The following CA5B variants were observed in gnomAD, a reference collection of about 807,000 sequenced individuals.
CA5B encodes the protein carbonic anhydrase 5B.
In CA5B, 15 loss-of-function variants were observed where a neutral mutation model predicts 23.1. The ratio of observed to expected loss-of-function variants is 0.65; its 90% confidence interval spans 0.43 to 1.00. The LOEUF is 1.00. Ranked by LOEUF, CA5B falls within the 50% of genes least tolerant of loss-of-function variation. The probability of loss-of-function intolerance (pLI) is 0.00; values close to 1 mark genes in which losing one functional copy is unlikely to be tolerated. For missense variants in CA5B, 236 were observed against 252.2 expected, an observed-to-expected ratio of 0.94 and a Z score of 0.43; for synonymous variants, 84 against 98.5, an observed-to-expected ratio of 0.85 and a Z score of 0.87.
chrX:15,747,843 G>A (rs761249793), intron 1 of CA5B, among the ~76,000 whole-genome samples: 1 of 111,337 alleles, frequency 9.0e-6, no homozygotes, highest in Non-Finnish European at 1.9e-5. Context: ...GAAGATTAAC[G>A]ACAGGGACAC....
At chrX:15,761,994 G>T (rs765838354) in intron 2 of CA5B, among the ~76,000 whole-genome samples, 1 of 112,064 alleles carries the variant, frequency 8.9e-6, no homozygotes, top group Admixed American at 9.5e-5. Flanking sequence ...ACGGTCAGGC[G>T]CAGTGGTTTG....
chrX:15,764,139 A>G (rs1931657347), intron 2 of CA5B, among the ~76,000 whole-genome samples: 1 of 111,661 alleles, frequency 9.0e-6, no homozygotes, highest in African/African-American at 3.3e-5. Context: ...GTATCCTTTA[A>G]TCCAGTCAAG....
chrX:15,741,203 G>T (rs1931113255), intron 1 of CA5B, among the ~76,000 whole-genome samples: 1 of 106,608 alleles, frequency 9.4e-6, no homozygotes, highest in Admixed American at 9.9e-5. Context: ...GAGTAGCTGG[G>T]CTTATAGGCT....
Position 15,782,851 on chromosome X carries a change from T to TTACAGA in CA5B, c.*191_*196dup, listed in dbSNP as rs1308716885. On this transcript the variant is annotated 3_prime_UTR_variant, in exon 8 of 8. Transcript: ENST00000318636. ...TACCAGCAAGAGACACAAGTTTCTC[T>TTACAGA]TACAGATACCTGTTGGTAATTGTAA... 8 of 362,879 alleles carry TTACAGA rather than the reference T, an allele frequency of 2.2e-5. No homozygotes were observed. The highest frequency in any genetic ancestry group is 3.8e-5 in the Non-Finnish European group (8 of 210,933). 29.9% of individuals were successfully genotyped at this position (362,879 alleles called of 1,213,427 possible).
intron 2 of CA5B, among the ~76,000 whole-genome samples, chrX:15,762,192 C>T (rs576806108): frequency 1.8e-5 from 2 of 108,763 alleles, no homozygotes; most frequent in South Asian, 4.2e-4. Context: ...ATTGCTTGAA[C>T]CCAGGAGGCG....
chrX:15,744,958 C>A (rs1931194545), intron 1 of CA5B, among the ~76,000 whole-genome samples: 1 of 110,080 alleles, frequency 9.1e-6, no homozygotes, highest in African/African-American at 3.3e-5. Context: ...CACCTGAGGT[C>A]AGGAGTTCGA....
chrX:15,775,436 C>T (rs1931903800), intron 6 of CA5B, 128 bp downstream of exon 6: 3 of 1,018,973 alleles, frequency 2.9e-6, no homozygotes, highest in Non-Finnish European at 3.7e-6. Context: ...TAGAAGAAAA[C>T]TTGCCATTTA....
intron 2 of CA5B, among the ~76,000 whole-genome samples, chrX:15,751,483 C>T (rs187029108): frequency 9.0e-6 from 1 of 110,647 alleles, no homozygotes; most frequent in Admixed American, 9.6e-5. Context: ...CTGGCTTATT[C>T]TGAACACTGG....
chrX:15,740,546 A>G (rs774864896), intron 1 of CA5B, among the ~76,000 whole-genome samples: 10 of 112,404 alleles, frequency 8.9e-5, no homozygotes, highest in Non-Finnish European at 1.9e-4. Flanking sequence ...GGATCTTCCA[A>G]GCTCTGCGCC....
chrX:15,740,599 A>G (rs143347458), intron 1 of CA5B, among the ~76,000 whole-genome samples: 5 of 111,997 alleles, frequency 4.5e-5, no homozygotes, highest in Admixed American at 3.8e-4. Context: ...AGCATCCTTC[A>G]TGGCTCCTTT....
rs763902621 is a variant in CA5B, at chrX:15,782,632, C to T, written c.922C>T (p.Pro308Ser). ...TTATGTGCTGAATGTACAAGCGAAA[C>T]CCAAGCCGGCCACCAGCCAAGCAAC... is the stretch of plus-strand genomic sequence containing the variant. ...HDYVLNVQAK[P>S]KPATSQATP The change falls in exon 8 of 8, where the codon CCC (proline) becomes TCC (serine). Residue 308 changes from proline (P) to serine (S), a missense_variant. Transcript: ENST00000318636. 5.9e-6 allele frequency: 7 copies of T among 1,195,566 alleles called. No homozygotes were observed. The highest frequency in any genetic ancestry group is 7.9e-6 in the Non-Finnish European group (7 of 888,716).
intron 7 of CA5B, among the ~76,000 whole-genome samples, chrX:15,778,874 C>A (rs771740695): frequency 9.0e-6 from 1 of 110,689 alleles, no homozygotes; most frequent in East Asian, 2.8e-4. Flanking sequence ...TCCCCTGACA[C>A]AGGGGGATTA....
intron 2 of CA5B, among the ~76,000 whole-genome samples, chrX:15,752,357 C>G (rs1319713114): frequency 9.0e-6 from 1 of 111,692 alleles, no homozygotes; most frequent in South Asian, 3.7e-4. Flanking sequence ...ATATTTTACC[C>G]CAAAACATGT....
At chrX:15,751,883 A>T (rs1448748789) in intron 2 of CA5B, among the ~76,000 whole-genome samples, 1 of 111,743 alleles carries the variant, frequency 8.9e-6, no homozygotes, top group African/African-American at 3.3e-5. Context: ...GACAATTCTC[A>T]TTGTTTCTGA....
chrX:15,771,057 C>T (rs747170937), intron 3 of CA5B, among the ~76,000 whole-genome samples: 3 of 107,159 alleles, frequency 2.8e-5, no homozygotes, highest in East Asian at 3.1e-4. Context: ...CATGAGCCAC[C>T]GTGCCCGGCC....
rs1334939493 is a variant in CA5B at position 15,783,075 on chromosome X, G to A, written c.*411G>A. ...ATCTTTTTATGTCTGACATTTTTGAGCTATCTTTTTATGTTTATCCATTAG... is the reference window on the plus strand; with the variant it reads ...ATCTTTTTATGTCTGACATTTTTGAACTATCTTTTTATGTTTATCCATTAG... On this transcript the variant is annotated 3_prime_UTR_variant, in exon 8 of 8. Coordinates refer to ENST00000318636, the MANE Select transcript of CA5B (RefSeq NM_007220.4). The A allele has an allele frequency of 7.9e-6, 1 of 126,463 alleles. No homozygotes were observed. The highest frequency in any genetic ancestry group is 1.6e-5 in the Non-Finnish European group (1 of 61,990). The allele number at this position is 126,463 out of a possible 1,213,427, so 10.4% of individuals were successfully genotyped here. A position where few individuals can be genotyped will look rare whatever the true frequency, so the allele number is the denominator to read the frequency against.
chrX:15,766,720 G>A (rs961713277), intron 3 of CA5B, among the ~76,000 whole-genome samples: 8 of 111,402 alleles, frequency 7.2e-5, no homozygotes, highest in Non-Finnish European at 1.3e-4. Flanking sequence ...GTCTGTTGGT[G>A]GAATAGCTAG....
At chrX:15,765,871 A>G (rs1931697093) in intron 3 of CA5B, among the ~76,000 whole-genome samples, 1 of 110,667 alleles carries the variant, frequency 9.0e-6, no homozygotes, top group Admixed American at 9.7e-5. Flanking sequence ...AAAAATGATA[A>G]TGAGGCCAGG....
chrX:15,744,251 T>G (rs1296339649), intron 1 of CA5B, among the ~76,000 whole-genome samples: 1 of 112,994 alleles, frequency 8.9e-6, no homozygotes, highest in Non-Finnish European at 1.9e-5. Context: ...CATGCCTCAG[T>G]GCTTTCCGGA....
Sources: gnomAD v4.1 joint callset for allele counts (sites outside exome capture counted in the v4.1 genomes callset) on GRCh38, gnomAD v4.1.1 for gene constraint, MANE v1.5 for transcripts, NCBI Gene and HGNC (gene_info 2026-07-23, HGNC 2026-07-21) for gene names.